Variants in RIMS1 observed in about 807,000 individuals in gnomAD.
The protein encoded by RIMS1 is regulating synaptic membrane exocytosis 1.
In RIMS1, 83 loss-of-function variants were observed where a neutral mutation model predicts 214.1. The observed-to-expected ratio is 0.39, with a 90% CI of 0.32 to 0.47. The LOEUF is 0.47. Among genes scored for constraint, RIMS1 ranks in the 20% least tolerant of loss-of-function variants. The pLI is 0.99. For synonymous variants in RIMS1, 793 were observed against 786.8 expected (o/e 1.01, Z -0.13); for missense variants, 2,050 against 2,161.8 (o/e 0.95, Z 1.03).
chr6:71,961,023 G>A (rs540377555), intron 1 of RIMS1, among the ~76,000 whole-genome samples: 102 of 152,258 alleles, frequency 6.7e-4, no homozygotes, highest in Non-Finnish European at 9.1e-4. Flanking sequence ...GAAAGAGAGA[G>A]CCCTCTCAGA....
chr6:72,278,624 A>G (rs2088105468), intron 23 of RIMS1, among the ~76,000 whole-genome samples: 1 of 152,120 alleles, frequency 6.6e-6, no homozygotes, highest in Admixed American at 6.5e-5. Context: ...TTTTTGTTCT[A>G]TAATATCCTT....
intron 2 of RIMS1, among the ~76,000 whole-genome samples, chr6:72,018,711 A>G (rs368055397): frequency 3.9e-5 from 6 of 152,142 alleles, no homozygotes; most frequent in Admixed American, 3.3e-4. Context: ...AAACCCAGAG[A>G]GTGTAGTAAC....
At chr6:72,324,014 G>T (rs1394188333) in intron 28 of RIMS1, among the ~76,000 whole-genome samples, 2 of 146,740 alleles carry the variant, frequency 1.4e-5, no homozygotes. Context: ...ATAAATAAAT[G>T]AGTGCATGCA....
At chr6:72,260,800 TG>T (rs1261477256) in intron 19 of RIMS1, 33 bp downstream of exon 19, 1 of 1,608,690 alleles carries the variant, frequency 6.2e-7, no homozygotes, top group Admixed American at 1.7e-5. Flanking sequence ...GGTGACTGTG[TG>T]TGATGACTCT....
chr6:72,257,414 C>G (rs1170173028), intron 16 of RIMS1, among the ~76,000 whole-genome samples: 1 of 151,866 alleles, frequency 6.6e-6, no homozygotes, highest in Non-Finnish European at 1.5e-5. Context: ...ACTATATTAT[C>G]TTAGTTATGC....
At chr6:72,087,988 C>CA (rs1163604039) in intron 2 of RIMS1, among the ~76,000 whole-genome samples, 1 of 152,068 alleles carries the variant, frequency 6.6e-6, no homozygotes, top group Non-Finnish European at 1.5e-5. Context: ...CAGTACCCTT[C>CA]AATTAGGATA....
At chr6:72,148,571 C>T in intron 4 of RIMS1, 1 of 456,680 alleles carries the variant, frequency 2.2e-6, no homozygotes, top group Admixed American at 2.3e-5. Context: ...CTTGAGTTCC[C>T]TATACCTCAT....
At chr6:71,896,838 G>T (rs1771950120) in intron 1 of RIMS1, among the ~76,000 whole-genome samples, 1 of 151,950 alleles carries the variant, frequency 6.6e-6, no homozygotes, top group African/African-American at 2.4e-5. Flanking sequence ...TTCTCATGGG[G>T]TCCTATTCTC....
chr6:72,255,798 G>A (rs917897417), intron 16 of RIMS1, among the ~76,000 whole-genome samples: 1 of 152,110 alleles, frequency 6.6e-6, no homozygotes, highest in African/African-American at 2.4e-5. Context: ...AGCACTTTGG[G>A]AGGCCAAGGT....
intron 4 of RIMS1, among the ~76,000 whole-genome samples, chr6:72,170,491 C>T (rs2046879882): frequency 6.6e-6 from 1 of 151,952 alleles, no homozygotes; most frequent in Non-Finnish European, 1.5e-5. Flanking sequence ...TTACAGGTGC[C>T]CACCACCACG....
intron 23 of RIMS1, among the ~76,000 whole-genome samples, chr6:72,277,286 G>C (rs188128894): frequency 4.9e-4 from 75 of 152,112 alleles, no homozygotes; most frequent in African/African-American, 1.8e-3. Flanking sequence ...TTTTATCTAA[G>C]AATATTTTCT....
intron 24 of RIMS1, among the ~76,000 whole-genome samples, chr6:72,286,045 A>G (rs2092198490): frequency 6.6e-6 from 1 of 152,142 alleles, no homozygotes; most frequent in Non-Finnish European, 1.5e-5. Flanking sequence ...TAAAAATACA[A>G]AAGTAGCTGG....
In RIMS1 at chr6:72,265,158, T is replaced by G. The variant is rs967134872; in HGVS notation, c.3194+106T>G. On this transcript the variant is annotated intron_variant, in intron 20 of 33. Transcript: ENST00000521978. ...TCTAATAAAATATTAAATAGGAAAT[T>G]TACATTCTAATAAAATATTCTTTTG... is the stretch of plus-strand genomic sequence containing the variant. 4.2e-5 allele frequency: 28 copies of G among 666,852 alleles called. No homozygotes were observed. The Admixed American group carries it at 4.4e-4, about 11-fold the overall frequency. 41.3% of individuals were successfully genotyped at this position (666,852 alleles called of 1,614,324 possible). A position where few individuals can be genotyped will look rare whatever the true frequency, so the allele number is the denominator to read the frequency against.
At chr6:72,158,775 A>G (rs1414412247) in intron 4 of RIMS1, among the ~76,000 whole-genome samples, 2 of 139,952 alleles carry the variant, frequency 1.4e-5, no homozygotes, top group African/African-American at 2.5e-5. Context: ...TCCATGGTGT[A>G]TATGTGCCAC....
chr6:72,246,770 A>T, intron 11 of RIMS1, among the ~76,000 whole-genome samples: 1 of 152,318 alleles, frequency 6.6e-6, no homozygotes, highest in Middle Eastern at 3.4e-3. Flanking sequence ...TGCATAATTT[A>T]TATTATTGAT....
intron 2 of RIMS1, among the ~76,000 whole-genome samples, chr6:72,017,403 T>C (rs1415030352): frequency 6.6e-6 from 1 of 152,204 alleles, no homozygotes; most frequent in African/African-American, 2.4e-5. Flanking sequence ...ACAGTGCCTC[T>C]GTAGATGTGA....
intron 1 of RIMS1, among the ~76,000 whole-genome samples, chr6:71,906,632 A>T (rs944080400): frequency 6.6e-6 from 1 of 152,122 alleles, no homozygotes; most frequent in Admixed American, 6.6e-5. Flanking sequence ...TTATTATGGG[A>T]TGCATGGAGC....
rs1266159432 is a variant in RIMS1, at chr6:72,182,543, G to A, written c.1072G>A (p.Asp358Asn). ...EEDYQTRYRS[D>N]PNLARYPVKP... is the part of the protein sequence containing the mutation. ...GGATTATCAGACCAGGTACCGCAGC[G>A]ACCCGAACCTAGCTCGGTACCCGGT... The change falls in exon 6 of 34, where the codon GAC becomes AAC. Residue 358 changes from aspartate to asparagine, a missense_variant. Physicochemically the swap from Asp to Asn is conservative, Grantham distance 23 (BLOSUM62 1). Transcript: ENST00000521978. 2 of 1,558,356 alleles carry A rather than the reference G, an allele frequency of 1.3e-6. No individual in the cohort carries two copies. Among genetic ancestry groups the A allele is most frequent in the African/African-American group, 1.4e-5 (1 of 73,364 alleles).
intron 29 of RIMS1, among the ~76,000 whole-genome samples, chr6:72,357,413 T>C (rs2097682177): frequency 2.0e-5 from 3 of 152,228 alleles, no homozygotes; most frequent in Non-Finnish European, 4.4e-5. Flanking sequence ...AGGAATATTT[T>C]ATGGGTAGAA....
Sources: gnomAD v4.1 joint callset for allele counts (sites outside exome capture counted in the v4.1 genomes callset) on GRCh38, gnomAD v4.1.1 for gene constraint, MANE v1.5 for transcripts, NCBI Gene and HGNC (gene_info 2026-07-23, HGNC 2026-07-21) for gene names.